Variants in CAMSAP2 observed in about 807,000 individuals in gnomAD.
CAMSAP2 encodes the protein calmodulin-regulated spectrin-associated protein 2.
In CAMSAP2, 26 loss-of-function variants were observed where a neutral mutation model predicts 146.1. The observed-to-expected ratio is 0.18, with a 90% CI of 0.13 to 0.25. The LOEUF is 0.25. CAMSAP2 is among the 10% of genes least tolerant of loss of function. The pLI is 1.00. For synonymous variants in CAMSAP2, 499 were observed against 596.6 expected (o/e 0.84, Z 2.38); for missense variants, 1,381 against 1,759.3 (o/e 0.78, Z 3.85).
At chr1:200,807,621 CTTTT>C (rs766818021) in intron 3 of CAMSAP2, 84 bp downstream of exon 3, 2 of 954,130 alleles carry the variant, frequency 2.1e-6, no homozygotes, top group African/African-American at 1.7e-5. Context: ...CTTCATTACT[CTTTT>C]TGTTTCAAAT....
At chr1:200,792,932 A>T (rs1665793552) in intron 2 of CAMSAP2, among the ~76,000 whole-genome samples, 1 of 152,116 alleles carries the variant, frequency 6.6e-6, no homozygotes, top group African/African-American at 2.4e-5. Context: ...GGTAAATGGG[A>T]TGTTTCTGTG....
intron 1 of CAMSAP2, among the ~76,000 whole-genome samples, chr1:200,746,768 A>ACCTG (rs1664340743): frequency 6.6e-6 from 1 of 151,166 alleles, no homozygotes; most frequent in Non-Finnish European, 1.5e-5. Flanking sequence ...ACAGGAGCCC[A>ACCTG]CCACCACGCC....
chr1:200,745,096 A>G (rs1664285004), intron 1 of CAMSAP2, among the ~76,000 whole-genome samples: 1 of 152,210 alleles, frequency 6.6e-6, no homozygotes, highest in Non-Finnish European at 1.5e-5. Context: ...CCTATTAAGT[A>G]GATATTATTT....
intron 1 of CAMSAP2, among the ~76,000 whole-genome samples, chr1:200,756,997 C>T (rs1256384045): frequency 6.6e-6 from 1 of 151,970 alleles, no homozygotes; most frequent in African/African-American, 2.4e-5. Context: ...ACTTTAATTA[C>T]TGGTACTATG....
rs377105031 is a variant in CAMSAP2, at chr1:200,848,771, G to T, written c.2002G>T (p.Val668Leu). Reference protein sequence around the residue: ...REALSPCPSTVSTKSQPGSSA... With the variant: ...REALSPCPSTLSTKSQPGSSA... ...AGCTTTGAGTCCTTGTCCAAGTACT[G>T]TAAGTACCAAGTCTCAGCCAGGCAG... The change falls in exon 11 of 17, where the codon GTA (valine) becomes TTA (leucine). Residue 668 changes from valine to leucine, a missense_variant. By Grantham distance (32) the Val-to-Leu change is conservative. This residue lies in a region of CAMSAP2 where 447 missense variants were observed against 462.2 expected (regional missense o/e 0.97). Coordinates refer to ENST00000358823, the MANE Select transcript of CAMSAP2 (RefSeq NM_203459.4). 6.2e-7 allele frequency: 1 copy of T among 1,614,156 alleles called. No individual in the cohort carries two copies. The highest frequency in any genetic ancestry group is 8.5e-7 in the Non-Finnish European group (1 of 1,180,006).
intron 1 of CAMSAP2, among the ~76,000 whole-genome samples, chr1:200,756,047 G>A (rs992368152): frequency 1.3e-5 from 2 of 152,182 alleles, no homozygotes; most frequent in Non-Finnish European, 2.9e-5. Flanking sequence ...GAACATAGCG[G>A]CCTGGGGAAA....
At chr1:200,789,803 A>G (rs971402205) in intron 2 of CAMSAP2, among the ~76,000 whole-genome samples, 2 of 141,344 alleles carry the variant, frequency 1.4e-5, no homozygotes, top group African/African-American at 5.4e-5. Context: ...TGGACTCTCC[A>G]TTTATTTAGT....
rs77650919 is a variant in CAMSAP2 at position 200,782,784 on chromosome 1, T to C, written c.399+21686T>C. 1.2e-3 allele frequency among the ~76,000 whole-genome samples: 146 copies of C among 125,798 alleles called. 1 individual carries two copies. Among genetic ancestry groups the C allele is most frequent in the African/African-American group, 4.0e-3 (120 of 30,368 alleles). The allele number at this position is 125,798 out of a possible 152,430, so 82.5% of individuals were successfully genotyped here. ...TAGACATGTATTTTCATTTCTCTCT[T>C]TTTTTTTTTTTTTTTTTTTTTTTTG... On this transcript the variant is annotated intron_variant, in intron 2 of 16. Transcript: ENST00000358823.
chr1:200,850,583 A>G (rs1458758464), intron 11 of CAMSAP2, among the ~76,000 whole-genome samples: 1 of 152,114 alleles, frequency 6.6e-6, no homozygotes, highest in Non-Finnish European at 1.5e-5. Context: ...TTTTAACAGA[A>G]TGCTACTGTA....
intron 4 of CAMSAP2, among the ~76,000 whole-genome samples, chr1:200,829,589 T>C (rs1266674945): frequency 2.6e-5 from 4 of 152,088 alleles, no homozygotes; most frequent in Non-Finnish European, 4.4e-5. Flanking sequence ...GTTAAACCAC[T>C]TAAGAACTAT....
chr1:200,821,572 G>A (rs1666766003), intron 4 of CAMSAP2, among the ~76,000 whole-genome samples: 1 of 152,162 alleles, frequency 6.6e-6, no homozygotes, highest in African/African-American at 2.4e-5. Flanking sequence ...TGTTGGCCAG[G>A]CTGGTCTCAA....
At chr1:200,756,426 C>T (rs2102997254) in intron 1 of CAMSAP2, among the ~76,000 whole-genome samples, 1 of 151,174 alleles carries the variant, frequency 6.6e-6, no homozygotes, top group East Asian at 1.9e-4. Context: ...GCACTCCAGC[C>T]TGGGCGACAG....
At chr1:200,822,733 C>T (rs1471694933) in intron 4 of CAMSAP2, among the ~76,000 whole-genome samples, 1 of 152,208 alleles carries the variant, frequency 6.6e-6, no homozygotes, top group Non-Finnish European at 1.5e-5. Flanking sequence ...ACTGTATCTA[C>T]ACTTTGTTTT....
chr1:200,844,721 T>C, intron 7 of CAMSAP2, 61 bp from the exon 8 acceptor site: 2 of 945,736 alleles, frequency 2.1e-6, no homozygotes, highest in South Asian at 3.3e-5. Flanking sequence ...TTGCTTATGG[T>C]CCAGAATTTT....
At chr1:200,846,248 G>T (rs1667457680) in intron 8 of CAMSAP2, among the ~76,000 whole-genome samples, 1 of 152,136 alleles carries the variant, frequency 6.6e-6, no homozygotes, top group South Asian at 2.1e-4. Context: ...AGTGTTCTAG[G>T]TCATCACTCT....
intron 2 of CAMSAP2, among the ~76,000 whole-genome samples, chr1:200,787,307 A>G (rs1665621611): frequency 6.6e-6 from 1 of 152,240 alleles, no homozygotes; most frequent in Non-Finnish European, 1.5e-5. Context: ...GATGCCATTC[A>G]TGATTCGTGG....
At chr1:200,796,978 A>G (rs1266868380) in intron 2 of CAMSAP2, among the ~76,000 whole-genome samples, 1 of 152,136 alleles carries the variant, frequency 6.6e-6, no homozygotes, top group African/African-American at 2.4e-5. Context: ...AATTTCTTCC[A>G]TGTCCCTACA....
chr1:200,798,511 T>C (rs1665947321), intron 2 of CAMSAP2, among the ~76,000 whole-genome samples: 2 of 137,390 alleles, frequency 1.5e-5, no homozygotes, highest in Non-Finnish European at 1.5e-5. Context: ...TTTTGTACAT[T>C]GATTTTGTAT....
chr1:200,786,819 A>G (rs1665606214), intron 2 of CAMSAP2, among the ~76,000 whole-genome samples: 1 of 152,186 alleles, frequency 6.6e-6, no homozygotes, highest in Admixed American at 6.5e-5. Flanking sequence ...GTTATGGGCT[A>G]TGTGGGCTAA....
Sources: allele counts gnomAD v4.1 joint callset (sites outside exome capture counted in the v4.1 genomes callset), GRCh38; gene constraint gnomAD v4.1.1; regional missense constraint gnomAD v4.1.1; transcripts MANE v1.5; gene names NCBI Gene and HGNC (gene_info 2026-07-23, HGNC 2026-07-21).